The following ABCC10 variants were observed in gnomAD, a reference collection of about 807,000 sequenced individuals.
ABCC10 encodes the protein ATP binding cassette subfamily C member 10, also known as ATP-binding cassette sub-family C member 10.
In ABCC10, 110 loss-of-function variants were observed where a neutral mutation model predicts 143.2. The observed-to-expected ratio is 0.77, with a 90% CI of 0.66 to 0.90. ABCC10 has a LOEUF of 0.90. Ranked by LOEUF, ABCC10 falls within the 40% of genes least tolerant of loss-of-function variation. ABCC10 has a pLI of 0.00. For synonymous variants in ABCC10, 805 were observed against 846.7 expected, an observed-to-expected ratio of 0.95 and a Z score of 0.85; for missense variants, 1,700 against 1,900.5, an observed-to-expected ratio of 0.89 and a Z score of 1.96.
chr6:43,451,203 A>G (rs1783712016), downstream of ABCC10: 1 of 1,614,096 alleles, frequency 6.2e-7, no homozygotes, highest in Non-Finnish European at 8.5e-7. The surrounding 1 kb of genome is among the most constrained non-coding windows in gnomAD (Gnocchi z 4.4). Flanking sequence ...AAAGCCCACC[A>G]AGCAGCGGCA....
At chr6:43,438,906 C>A in intron 8 of ABCC10, 111 bp downstream of exon 8, 1 of 1,331,946 alleles carries the variant, frequency 7.5e-7, no homozygotes, top group Non-Finnish European at 1.0e-6. Flanking sequence ...TCGGGCATCA[C>A]TTATCTAGGA....
At position 43,448,874 on chromosome 6, in the gene ABCC10, C is replaced by T. The variant is rs746093039; in HGVS notation, c.3960-7C>T. ...CAACCACTAGACTCCATGTCATTGT[C>T]CCCCAGATCCCAGTTGGCTATCATC... On this transcript the variant is annotated splice_polypyrimidine_tract_variant and splice_region_variant and intron_variant, in intron 18 of 21. Transcript: ENST00000372530. 1.9e-6 allele frequency: 3 copies of T among 1,604,962 alleles called. No individual in the cohort carries two copies. Among genetic ancestry groups the T allele is most frequent in the East Asian group, 2.2e-5 (1 of 44,852 alleles).
downstream of ABCC10, chr6:43,451,918 AC>A: frequency 6.2e-7 from 1 of 1,612,010 alleles, no homozygotes; most frequent in East Asian, 2.2e-5. This position sits in a 1 kb window ranked among gnomAD's most constrained non-coding sequence, Gnocchi z 4.4. Flanking sequence ...CCTTCCACTC[AC>A]CCTGAGGGCC....
At chr6:43,449,726 G>A (rs1338993104) in intron 21 of ABCC10, among the ~76,000 whole-genome samples, 192 bp downstream of exon 21, 4 of 151,006 alleles carry the variant, frequency 2.6e-5, no homozygotes, top group Non-Finnish European at 5.9e-5. Flanking sequence ...CATTATCTGA[G>A]GGCCCTTTAT....
rs763133681 is a variant in ABCC10, at chr6:43,444,906, G to T, written c.2808G>T (p.Pro936=). The stretch of plus-strand genomic sequence containing the variant: ...CAGCTTCTATGGGGCTCTTCTCTCC[G>T]CAGCTGCTCCTCTTTTCCCCTGGAA... The part of the protein sequence containing the change: ...TSPASMGLFS[P]QLLLFSPGNL... The change falls in exon 13 of 22, where the codon CCG becomes CCT. Residue 936 remains proline (P), a synonymous_variant. Transcript: ENST00000372530. The T allele has an allele frequency of 6.8e-6, 11 of 1,613,756 alleles. No homozygotes were observed. Among genetic ancestry groups the T allele is most frequent in the East Asian group, 4.5e-5 (2 of 44,878 alleles).
intron 8 of ABCC10, among the ~76,000 whole-genome samples, chr6:43,439,257 C>T (rs1475670042): frequency 3.3e-5 from 5 of 152,138 alleles, no homozygotes; most frequent in African/African-American, 1.2e-4. Flanking sequence ...ACTTCCCACC[C>T]AACCCTGCTG....
In ABCC10 at chr6:43,441,769, T is replaced by A. The variant is rs1782499603; in HGVS notation, c.2128-93T>A. 5 of 1,018,734 alleles carry A rather than the reference T, an allele frequency of 4.9e-6. No homozygotes were observed. In the African/African-American group the frequency reaches 8.0e-5, roughly 16 times the overall value. 63.1% of individuals were successfully genotyped at this position (1,018,734 alleles called of 1,614,324 possible). A position where few individuals can be genotyped will look rare whatever the true frequency, so the allele number is the denominator to read the frequency against. ...GTCTACTCTCCTCAAGCTCCCTACTTCTCTTGACTCCCACTATCTCCTGCA... is the reference window on the plus strand; with the variant it reads ...GTCTACTCTCCTCAAGCTCCCTACTACTCTTGACTCCCACTATCTCCTGCA... On this transcript the variant is annotated intron_variant, in intron 8 of 21. Coordinates refer to ENST00000372530, the MANE Select transcript of ABCC10 (RefSeq NM_001198934.2).
rs1334104057 is a variant in ABCC10 at position 43,444,815 on chromosome 6, T to C, written c.2717T>C (p.Leu906Pro). 3.7e-6 allele frequency: 6 copies of C among 1,609,438 alleles called. No individual in the cohort carries two copies. Among genetic ancestry groups the C allele is most frequent in the East Asian group, 2.2e-5 (1 of 44,854 alleles). Residue 906 changes from leucine (L) to proline (P), a missense_variant, in exon 13 of 22, where the codon CTC becomes CCC. Coordinates refer to ENST00000372530, the MANE Select transcript of ABCC10 (RefSeq NM_001198934.2). Reference protein sequence around the residue: ...QATRNAADWWLSHWISQLKAE... With the variant: ...QATRNAADWWPSHWISQLKAE... ...ACGCGGAACGCTGCTGACTGGTGGC[T>C]CTCCCACTGGATCTCTCAGCTGAAG...
At chr6:43,450,964 C>G (rs1238220877), downstream of ABCC10, 1 of 1,614,122 alleles carries the variant, frequency 6.2e-7, no homozygotes, top group Non-Finnish European at 8.5e-7. This position sits in a 1 kb window ranked among gnomAD's most constrained non-coding sequence, Gnocchi z 4.5. Flanking sequence ...GTCTTGCCAC[C>G]ATAGCCACTG....
intron 16 of ABCC10, 135 bp from the exon 17 acceptor site, chr6:43,447,113 T>C (rs996830359): frequency 1.1e-5 from 13 of 1,212,974 alleles, no homozygotes; most frequent in African/African-American, 1.5e-5. Flanking sequence ...CCCAAAGTGC[T>C]GGAATTACAG....
chr6:43,444,874 A>C lies in ABCC10; in HGVS notation c.2776A>C (p.Thr926Pro), dbSNP rs142977044. ...ENSSQEAQPS[T>P]SPASMGLFSP... ...TAGCTCCCAGGAGGCGCAACCCTCCACCAGCCCAGCTTCTATGGGGCTCTT... is the reference window on the plus strand; with the variant it reads ...TAGCTCCCAGGAGGCGCAACCCTCCCCCAGCCCAGCTTCTATGGGGCTCTT... The change falls in exon 13 of 22, where the codon ACC becomes CCC. Residue 926 changes from threonine to proline, a missense_variant. Thr to Pro is a conservative substitution (Grantham distance 38). Transcript: ENST00000372530. 86 of 1,613,914 alleles carry C rather than the reference A, an allele frequency of 5.3e-5. No homozygotes were observed. The African/African-American group carries it at 9.3e-4, about 18-fold the overall frequency.
rs549723579 is a variant in ABCC10 at position 43,428,135 on chromosome 6, C to G, written c.157C>G (p.Pro53Ala). 65 of 1,534,748 alleles carry G rather than the reference C, an allele frequency of 4.2e-5. No homozygotes were observed. In the African/African-American group the frequency reaches 6.6e-4, roughly 16 times the overall value. ...GCTCAGTGCCTGTTACTTGGGCACCCCGAGGTGGGTAGAGACGGGCGCAAG... is the reference window on the plus strand; with the variant it reads ...GCTCAGTGCCTGTTACTTGGGCACCGCGAGGTGGGTAGAGACGGGCGCAAG... ...AVLSACYLGT[P>A]RSPDYILPCS... The change falls in exon 2 of 22, where the codon CCG (proline) becomes GCG (alanine). Residue 53 changes from proline to alanine, a missense_variant. Transcript: ENST00000372530.
At chr6:43,449,571 G>C in intron 21 of ABCC10, 37 bp downstream of exon 21, 1 of 1,555,088 alleles carries the variant, frequency 6.4e-7, no homozygotes, top group Middle Eastern at 1.7e-4. Flanking sequence ...ATCAGGGACT[G>C]TGGTAGCATG....
intron 16 of ABCC10, 166 bp from the exon 17 acceptor site, chr6:43,447,082 G>T: frequency 1.0e-6 from 1 of 954,626 alleles, no homozygotes; most frequent in South Asian, 1.7e-5. Flanking sequence ...TCCTGACCTC[G>T]TGATCCACCT....
rs1215616543 is a variant in ABCC10, at chr6:43,435,944, TGAG to T, written c.1765+42_1765+44del. 6 of 1,611,782 alleles carry T rather than the reference TGAG, an allele frequency of 3.7e-6. No homozygotes were observed. The South Asian group carries it at 6.6e-5, about 18-fold the overall frequency. ...CTAGTGGGCAGAACCTGGCACAGGG[TGAG>T]GAGGGAAGTGGAGCCACTTGGGTGC... On this transcript the variant is annotated intron_variant, in intron 5 of 21. Transcript: ENST00000372530.
rs1298538493 is a variant in ABCC10 at position 43,450,104 on chromosome 6, ACC to A, written c.*15_*16del. ...CGGAGGTCCCTGAGCCCAATCCCAC[ACC>A]CTGCAGAGTTCTCCCCTCTCTCTGA... On this transcript the variant is annotated 3_prime_UTR_variant, in exon 22 of 22. Transcript: ENST00000372530. The surrounding 1 kb of genome is among the most constrained non-coding windows in gnomAD (Gnocchi z 4.5). The A allele has an allele frequency of 2.5e-6, 4 of 1,580,138 alleles. No individual in the cohort carries two copies. Among genetic ancestry groups the A allele is most frequent in the Non-Finnish European group, 3.4e-6 (4 of 1,161,794 alleles).
rs141037448 is a variant in ABCC10, at chr6:43,445,636, G to A, written c.3068G>A (p.Arg1023Gln). The A allele has an allele frequency of 1.2e-4, 197 of 1,613,458 alleles. No homozygotes were observed. The highest frequency in any genetic ancestry group is 6.9e-4 in the African/African-American group (52 of 74,872). The change falls in exon 15 of 22, where the codon CGG becomes CAG. Residue 1023 changes from arginine (R) to glutamine (Q), a missense_variant. Physicochemically the swap from Arg to Gln is conservative, Grantham distance 43. Coordinates refer to ENST00000372530, the MANE Select transcript of ABCC10 (RefSeq NM_001198934.2). ...VTFFNATPTGRILNRFSSDVA... is the reference protein window; with the variant it reads ...VTFFNATPTGQILNRFSSDVA... ...TTCTTCAATGCCACACCCACGGGCC[G>A]GATCCTAAACCGCTTCTCCTCTGAT...
chr6:43,434,953 A>C, intron 4 of ABCC10, 105 bp downstream of exon 4: 2 of 1,217,142 alleles, frequency 1.6e-6, no homozygotes, highest in Non-Finnish European at 2.3e-6. Flanking sequence ...GGGATCCCTG[A>C]CTGCCTCATC....
chr6:43,445,601 A>G lies in ABCC10; in HGVS notation c.3033A>G (p.Ala1011=). ...HRRLLHRVLM[A]PVTFFNATPT... ...CCCAATCAGCGTCCTTCTCCCAGGC[A>G]CCAGTGACTTTCTTCAATGCCACAC... Residue 1011 remains alanine, a splice_region_variant and synonymous_variant, in exon 15 of 22, where the codon GCA becomes GCG. Coordinates refer to ENST00000372530, the MANE Select transcript of ABCC10 (RefSeq NM_001198934.2). 6.2e-7 allele frequency: 1 copy of G among 1,607,408 alleles called. No individual in the cohort carries two copies. Among genetic ancestry groups the G allele is most frequent in the Non-Finnish European group, 8.5e-7 (1 of 1,175,364 alleles).
Sources: allele counts gnomAD v4.1 joint callset (sites outside exome capture counted in the v4.1 genomes callset), GRCh38; gene constraint gnomAD v4.1.1; non-coding constraint Gnocchi (gnomAD v3.1); transcripts MANE v1.5; gene names NCBI Gene and HGNC (gene_info 2026-07-23, HGNC 2026-07-21).